Variants in CHRM2 observed in about 807,000 individuals in gnomAD.
The protein encoded by CHRM2 is muscarinic acetylcholine receptor M2.
In CHRM2, 8 loss-of-function variants were observed where a neutral mutation model predicts 25.0. That is an observed-to-expected ratio of 0.32 (90% CI 0.19 to 0.58). The LOEUF is 0.58. Ranked by LOEUF, CHRM2 falls within the 20% of genes least tolerant of loss-of-function variation. The probability of loss-of-function intolerance (pLI) is 0.88; values close to 1 mark genes in which losing one functional copy is unlikely to be tolerated. For synonymous variants in CHRM2, 202 were observed against 205.7 expected, an observed-to-expected ratio of 0.98 and a Z score of 0.15; for missense variants, 440 against 567.1, an observed-to-expected ratio of 0.78 and a Z score of 2.28.
intron 2 of CHRM2, among the ~76,000 whole-genome samples, chr7:136,922,334 T>C (rs1798494853): frequency 6.6e-6 from 1 of 152,192 alleles, no homozygotes. Flanking sequence ...TAGATTCATG[T>C]AATAACATTT....
chr7:136,960,769 C>T (rs1323391470), intron 2 of CHRM2, among the ~76,000 whole-genome samples: 11 of 152,144 alleles, frequency 7.2e-5, no homozygotes, highest in African/African-American at 2.2e-4. Context: ...CAGACATAAA[C>T]TCTTTCACTT....
intron 2 of CHRM2, among the ~76,000 whole-genome samples, chr7:136,912,573 G>T (rs983701595): frequency 3.3e-5 from 5 of 151,678 alleles, no homozygotes; most frequent in Admixed American, 3.3e-4. Flanking sequence ...CATGTAAAAG[G>T]CCTCCTCTTT....
At chr7:137,001,743 T>C (rs1804048785) in intron 3 of CHRM2, among the ~76,000 whole-genome samples, 1 of 152,142 alleles carries the variant, frequency 6.6e-6, no homozygotes, top group African/African-American at 2.4e-5. Context: ...TGCTCTAACC[T>C]GGTTACGACC....
At chr7:136,903,130 C>G (rs760566592) in intron 2 of CHRM2, 24 of 533,734 alleles carry the variant, frequency 4.5e-5, no homozygotes, top group African/African-American at 4.4e-4. Context: ...TTTTATTCTT[C>G]AACCAACGGT....
At chr7:136,917,267 G>A (rs761104512) in intron 2 of CHRM2, among the ~76,000 whole-genome samples, 2 of 150,886 alleles carry the variant, frequency 1.3e-5, no homozygotes, top group Non-Finnish European at 2.9e-5. Flanking sequence ...TCCTTCCTTA[G>A]ATGTTCAAAT....
intron 2 of CHRM2, among the ~76,000 whole-genome samples, chr7:136,873,906 G>A (rs566136410): frequency 5.9e-5 from 9 of 152,348 alleles, no homozygotes; most frequent in African/African-American, 1.4e-4. Flanking sequence ...AGAGGTAAAC[G>A]AGGGCACCAA....
At position 137,016,470 on chromosome 7, in the gene CHRM2, G is replaced by A. The variant is rs1390233765; in HGVS notation, c.*204G>A. ...GCACCTTATAAACTGTCAGTATTAG[G>A]AGCAATGAGACAATGAAAGAAACAT... is the stretch of plus-strand genomic sequence containing the variant. On this transcript the variant is annotated 3_prime_UTR_variant, in exon 4 of 4. Transcript: ENST00000680005. 3.4e-6 allele frequency: 2 copies of A among 582,182 alleles called. No individual in the cohort carries two copies. Among genetic ancestry groups the A allele is most frequent in the Non-Finnish European group, 6.3e-6 (2 of 318,882 alleles). The allele number at this position is 582,182 out of a possible 1,614,324, so 36.1% of individuals were successfully genotyped here.
chr7:136,892,817 A>G (rs1227473556), intron 2 of CHRM2, among the ~76,000 whole-genome samples: 1 of 151,826 alleles, frequency 6.6e-6, no homozygotes, highest in Non-Finnish European at 1.5e-5. Context: ...TTACAGGCAC[A>G]TGCCACCACG....
At chr7:136,951,642 A>G (rs1800419016) in intron 2 of CHRM2, among the ~76,000 whole-genome samples, 1 of 152,218 alleles carries the variant, frequency 6.6e-6, no homozygotes, top group Admixed American at 6.5e-5. Flanking sequence ...ATATCCGGAA[A>G]GAATAACTTG....
intron 2 of CHRM2, chr7:136,901,789 C>G (rs1797224215): frequency 6.6e-6 from 1 of 151,996 alleles, no homozygotes; most frequent in Non-Finnish European, 1.5e-5. Flanking sequence ...TCATGCATAA[C>G]TCACAAAACC....
intron 2 of CHRM2, among the ~76,000 whole-genome samples, chr7:136,883,212 C>A (rs563233330): frequency 3.9e-5 from 6 of 152,096 alleles, no homozygotes; most frequent in Non-Finnish European, 7.4e-5. Flanking sequence ...TTGTTTTTAC[C>A]ACCTTCTAGG....
At chr7:136,983,116 A>G (rs1296138184) in intron 2 of CHRM2, among the ~76,000 whole-genome samples, 1 of 151,982 alleles carries the variant, frequency 6.6e-6, no homozygotes, top group Non-Finnish European at 1.5e-5. Flanking sequence ...ATAGTCTCAT[A>G]TTTCTTGGAG....
intron 2 of CHRM2, among the ~76,000 whole-genome samples, chr7:136,929,499 A>T (rs923953692): frequency 2.0e-5 from 3 of 152,112 alleles, no homozygotes; most frequent in Admixed American, 1.3e-4. Flanking sequence ...GGGCCCAGGA[A>T]GAAAAGAGAG....
In CHRM2 at chr7:137,018,225, T is replaced by C. The variant is rs970915116; in HGVS notation, c.*1959T>C. ...GGGAAAAAAAAAACCAAAAAACTTATAAGTTAGTAAGAAGCAAATTGCCAG... is the reference window on the plus strand; with the variant it reads ...GGGAAAAAAAAAACCAAAAAACTTACAAGTTAGTAAGAAGCAAATTGCCAG... On this transcript the variant is annotated 3_prime_UTR_variant, in exon 4 of 4. Transcript: ENST00000680005. 28 of 151,890 alleles carry C rather than the reference T, an allele frequency of 1.8e-4. No individual in the cohort carries two copies. Among genetic ancestry groups the C allele is most frequent in the Non-Finnish European group, 4.4e-5 (3 of 67,848 alleles). The allele number at this position is 151,890 out of a possible 1,614,324, so 9.4% of individuals were successfully genotyped here. A position where few individuals can be genotyped will look rare whatever the true frequency, so the allele number is the denominator to read the frequency against.
chr7:136,894,089 A>T (rs1227590490), intron 2 of CHRM2, among the ~76,000 whole-genome samples: 1 of 152,134 alleles, frequency 6.6e-6, no homozygotes, highest in Non-Finnish European at 1.5e-5. Context: ...TCATCAGACT[A>T]TCCTCAGCTT....
intron 2 of CHRM2, among the ~76,000 whole-genome samples, chr7:136,913,757 T>A (rs761951024): frequency 2.0e-4 from 30 of 152,046 alleles, no homozygotes; most frequent in Non-Finnish European, 4.3e-4. Context: ...GGTATTATTT[T>A]AAAAAATTAT....
intron 2 of CHRM2, among the ~76,000 whole-genome samples, chr7:136,982,580 C>A (rs1001031649): frequency 6.6e-6 from 1 of 152,018 alleles, no homozygotes; most frequent in South Asian, 2.1e-4. Context: ...TGGCTGGTAC[C>A]GGTTTTTCCT....
At chr7:136,999,545 C>T (rs1482731549) in intron 3 of CHRM2, among the ~76,000 whole-genome samples, 1 of 151,888 alleles carries the variant, frequency 6.6e-6, no homozygotes. Flanking sequence ...TATCCCTCCC[C>T]CCTCCTCCCA....
chr7:136,955,262 A>T (rs1800655696), intron 2 of CHRM2, among the ~76,000 whole-genome samples: 3 of 152,292 alleles, frequency 2.0e-5, no homozygotes, highest in Admixed American at 6.5e-5. Flanking sequence ...TTAGTGCATT[A>T]AATAACTCAA....
Sources: gnomAD v4.1 joint callset for allele counts (sites outside exome capture counted in the v4.1 genomes callset) on GRCh38, gnomAD v4.1.1 for gene constraint, MANE v1.5 for transcripts, NCBI Gene and HGNC (gene_info 2026-07-23, HGNC 2026-07-21) for gene names.